CDH4: variants seen among roughly 807,000 people sequenced by gnomAD.
CDH4 encodes the protein cadherin 4, also known as cadherin-4.
CDH4 carries 33 observed loss-of-function variants against 86.0 expected under a neutral mutation model. The ratio of observed to expected loss-of-function variants is 0.38; its 90% CI spans 0.29 to 0.51. The LOEUF (loss-of-function observed/expected upper bound fraction) is 0.51, where lower values mean the gene tolerates loss of function less well. CDH4 is among the 20% of genes least tolerant of loss of function. The pLI, the probability that CDH4 is intolerant of heterozygous loss-of-function variation, is 0.86. For synonymous variants in CDH4, 555 were observed against 549.4 expected, an observed-to-expected ratio of 1.01 and a Z score of -0.14; for missense variants, 1,114 against 1,307.4, an observed-to-expected ratio of 0.85 and a Z score of 2.28.
At chr20:61,543,745 G>A (rs964223226) in intron 2 of CDH4, among the ~76,000 whole-genome samples, 1 of 152,212 alleles carries the variant, frequency 6.6e-6, no homozygotes, top group Non-Finnish European at 1.5e-5. Flanking sequence ...TTCTCTTAAA[G>A]TAATCTCACA....
At chr20:61,407,423 C>T (rs558018341) in intron 2 of CDH4, among the ~76,000 whole-genome samples, 29 of 152,274 alleles carry the variant, frequency 1.9e-4, no homozygotes, top group African/African-American at 4.8e-5. Flanking sequence ...GTGGCTGACT[C>T]GCTCTCCACC....
chr20:61,426,971 A>G (rs944730946), intron 2 of CDH4, among the ~76,000 whole-genome samples: 1 of 152,222 alleles, frequency 6.6e-6, no homozygotes, highest in Non-Finnish European at 1.5e-5. Flanking sequence ...GTTCCAGGCA[A>G]GTGATGTTTC....
chr20:61,712,895 G>A (rs1294653338), intron 2 of CDH4, among the ~76,000 whole-genome samples: 10 of 152,318 alleles, frequency 6.6e-5, no homozygotes, highest in Non-Finnish European at 1.0e-4. Flanking sequence ...GGAACTCCTC[G>A]TTGACAGGCA....
At chr20:61,430,676 C>T (rs1369908342) in intron 2 of CDH4, among the ~76,000 whole-genome samples, 1 of 152,168 alleles carries the variant, frequency 6.6e-6, no homozygotes, top group Non-Finnish European at 1.5e-5. Context: ...AGTCGCCAGT[C>T]CTGCTTCCCT....
At chr20:61,624,799 C>T (rs1037577324) in intron 2 of CDH4, among the ~76,000 whole-genome samples, 2 of 152,238 alleles carry the variant, frequency 1.3e-5, no homozygotes, top group African/African-American at 4.8e-5. Context: ...TCGGGGCATT[C>T]TGAGCTCTAG....
chr20:61,316,193 A>G (rs964356505), intron 2 of CDH4, among the ~76,000 whole-genome samples: 2 of 152,194 alleles, frequency 1.3e-5, no homozygotes, highest in African/African-American at 4.8e-5. Context: ...AAGAAATGGA[A>G]GTTTACTTCC....
intron 6 of CDH4, among the ~76,000 whole-genome samples, chr20:61,864,406 G>A (rs1427746202): frequency 1.3e-5 from 2 of 152,228 alleles, no homozygotes; most frequent in Non-Finnish European, 2.9e-5. Flanking sequence ...TCCCCATGCA[G>A]CCAGAAACCC....
intron 2 of CDH4, among the ~76,000 whole-genome samples, chr20:61,566,165 TG>T (rs2086296372): frequency 6.6e-6 from 1 of 152,220 alleles, no homozygotes; most frequent in African/African-American, 2.4e-5. Flanking sequence ...CACCCCTGCA[TG>T]GTCCCAGGGC....
chr20:61,845,074 A>G (rs1364499770), intron 5 of CDH4, among the ~76,000 whole-genome samples: 1 of 142,004 alleles, frequency 7.0e-6, no homozygotes, highest in East Asian at 2.0e-4. Context: ...CCAGGACGCA[A>G]GTCAGGCCTG....
At chr20:61,884,230 C>T (rs1568866171) in intron 7 of CDH4, among the ~76,000 whole-genome samples, 1 of 152,166 alleles carries the variant, frequency 6.6e-6, no homozygotes, top group South Asian at 2.1e-4. Flanking sequence ...ACACCGGAGG[C>T]CCCAAGGGGT....
intron 2 of CDH4, among the ~76,000 whole-genome samples, chr20:61,470,097 A>C (rs977820888): frequency 6.6e-6 from 1 of 152,132 alleles, no homozygotes; most frequent in African/African-American, 2.4e-5. Flanking sequence ...TTCTGTGAAG[A>C]ATGTCATTGG....
At chr20:61,654,446 G>A (rs1174521671) in intron 2 of CDH4, among the ~76,000 whole-genome samples, 1 of 152,182 alleles carries the variant, frequency 6.6e-6, no homozygotes, top group Non-Finnish European at 1.5e-5. Flanking sequence ...TGGGGAGAGG[G>A]AGAGGGAGAA....
chr20:61,334,391 T>G (rs902593242), intron 2 of CDH4, among the ~76,000 whole-genome samples: 1 of 152,064 alleles, frequency 6.6e-6, no homozygotes, highest in Non-Finnish European at 1.5e-5. Flanking sequence ...CAGCAGTGGG[T>G]GGTGCAGTGC....
intron 2 of CDH4, among the ~76,000 whole-genome samples, chr20:61,349,550 G>A (rs2084697956): frequency 6.6e-6 from 1 of 152,344 alleles, no homozygotes; most frequent in Non-Finnish European, 1.5e-5. Context: ...GCCGGGAGCT[G>A]GGGTGCTGGC....
At chr20:61,783,839 C>T (rs1201077829) in intron 4 of CDH4, among the ~76,000 whole-genome samples, 1 of 59,918 alleles carries the variant, frequency 1.7e-5, no homozygotes, top group Non-Finnish European at 3.2e-5. Context: ...TTCCTCGGGA[C>T]AGTTCTCAAG....
chr20:61,428,133 C>A (rs1156803038), intron 2 of CDH4, among the ~76,000 whole-genome samples: 1 of 152,144 alleles, frequency 6.6e-6, no homozygotes, highest in Non-Finnish European at 1.5e-5. Context: ...GGTAGGAATT[C>A]CTTCTGCTTC....
chr20:61,627,631 C>A (rs962522614), intron 2 of CDH4, among the ~76,000 whole-genome samples: 17 of 152,114 alleles, frequency 1.1e-4, no homozygotes, highest in African/African-American at 1.7e-4. Flanking sequence ...AGAGAGGGCA[C>A]CCCAGGAAGG....
At chr20:61,843,436 G>C (rs1311881369) in intron 4 of CDH4, among the ~76,000 whole-genome samples, 4 of 128,304 alleles carry the variant, frequency 3.1e-5, no homozygotes, top group African/African-American at 1.2e-4. Context: ...CGGCCTGGGC[G>C]ACAGAGCGAG....
intron 2 of CDH4, among the ~76,000 whole-genome samples, chr20:61,672,866 C>T (rs1045950313): frequency 3.3e-5 from 5 of 151,854 alleles, no homozygotes; most frequent in Non-Finnish European, 7.4e-5. Context: ...ATGGGTGAGG[C>T]GCAGGCCTGA....
Sources: allele counts gnomAD v4.1 joint callset (sites outside exome capture counted in the v4.1 genomes callset), GRCh38; gene constraint gnomAD v4.1.1; transcripts MANE v1.5; gene names NCBI Gene and HGNC (gene_info 2026-07-23, HGNC 2026-07-21).